SUGCT: variants seen among roughly 807,000 people sequenced by gnomAD.
SUGCT encodes the protein succinyl-CoA:glutarate-CoA transferase.
In SUGCT, 41 loss-of-function variants were observed where a neutral mutation model predicts 55.0. The ratio of observed to expected loss-of-function variants is 0.74; its 90% CI spans 0.58 to 0.97. The LOEUF (loss-of-function observed/expected upper bound fraction) is 0.97, where lower values mean the gene tolerates loss of function less well. SUGCT is among the 50% of genes least tolerant of loss of function. The probability of loss-of-function intolerance (pLI) is 0.00; values close to 1 mark genes in which losing one functional copy is unlikely to be tolerated. For missense variants in SUGCT, 568 were observed against 547.8 expected, an observed-to-expected ratio of 1.04 and a Z score of -0.37; for synonymous variants, 187 against 200.4, an observed-to-expected ratio of 0.93 and a Z score of 0.56.
At chr7:40,287,134 C>CT (rs1793403399) in intron 8 of SUGCT, among the ~76,000 whole-genome samples, 1 of 152,066 alleles carries the variant, frequency 6.6e-6, no homozygotes, top group Non-Finnish European at 1.5e-5. Flanking sequence ...TTTATATTCT[C>CT]TAAAGTTGAA....
At chr7:41,038,027 CG>C in the SUGCT span, among the ~76,000 whole-genome samples, 1 of 152,096 alleles carries the variant, frequency 6.6e-6, no homozygotes, top group African/African-American at 2.4e-5. Context: ...ACCCTGCAAG[CG>C]GGGGAAGAGT....
chr7:40,787,056 A>C (rs1790050596), intron 13 of SUGCT, among the ~76,000 whole-genome samples: 1 of 152,194 alleles, frequency 6.6e-6, no homozygotes, highest in Non-Finnish European at 1.5e-5. Flanking sequence ...GTCAGAATTG[A>C]ATTGTAAGTC....
intron 13 of SUGCT, among the ~76,000 whole-genome samples, chr7:40,817,948 T>G (rs1193354904): frequency 6.6e-6 from 1 of 152,210 alleles, no homozygotes; most frequent in Non-Finnish European, 1.5e-5. Flanking sequence ...TTTTGCTAGC[T>G]AAGAAATGTT....
chr7:40,848,583 T>C (rs1793698863), intron 13 of SUGCT, among the ~76,000 whole-genome samples: 1 of 151,800 alleles, frequency 6.6e-6, no homozygotes, highest in Non-Finnish European at 1.5e-5. Context: ...AGACAACCTA[T>C]AGATACTGGC....
Position 40,528,778 on chromosome 7 carries a change from C to T in SUGCT, c.1089+32392C>T, listed in dbSNP as rs561255851. 6.6e-5 allele frequency among the ~76,000 whole-genome samples: 10 copies of T among 152,230 alleles called. No homozygotes were observed. The South Asian group carries it at 2.1e-3, about 32-fold the overall frequency. ...AAGTTCCTACTTGTTCCTTGATTCCCCCAACTCGTTAAATCAATAGCATTC... is the reference window on the plus strand; with the variant it reads ...AAGTTCCTACTTGTTCCTTGATTCCTCCAACTCGTTAAATCAATAGCATTC... On this transcript the variant is annotated intron_variant, in intron 12 of 13. Transcript: ENST00000335693.
intron 11 of SUGCT, among the ~76,000 whole-genome samples, chr7:40,464,716 A>G (rs1176617511): frequency 6.6e-6 from 1 of 152,216 alleles, no homozygotes; most frequent in African/African-American, 2.4e-5. Context: ...ATGTGCCTGT[A>G]GTCCCAGCTA....
intron 13 of SUGCT, among the ~76,000 whole-genome samples, chr7:40,768,375 A>G (rs905124921): frequency 1.3e-5 from 2 of 152,034 alleles, no homozygotes; most frequent in African/African-American, 4.8e-5. Flanking sequence ...AGAGTCCTCA[A>G]TGGCACCATG....
chr7:40,916,119 G>A, the SUGCT span, among the ~76,000 whole-genome samples: 2 of 150,152 alleles, frequency 1.3e-5, no homozygotes, highest in Non-Finnish European at 3.0e-5. Flanking sequence ...ATACATATTA[G>A]CACTAGAATT....
At chr7:40,322,131 A>G (rs928453051) in intron 9 of SUGCT, among the ~76,000 whole-genome samples, 4 of 152,224 alleles carry the variant, frequency 2.6e-5, no homozygotes, top group African/African-American at 9.6e-5. Flanking sequence ...TATAGATGAA[A>G]TGTACCCAGT....
At chr7:40,359,594 A>C (rs17171696) in intron 9 of SUGCT, among the ~76,000 whole-genome samples, 3 of 152,114 alleles carry the variant, frequency 2.0e-5, no homozygotes, top group Admixed American at 6.5e-5. Flanking sequence ...CCATGATATA[A>C]GAGTAGAGAA....
At chr7:40,750,546 G>C (rs1039108319) in intron 13 of SUGCT, among the ~76,000 whole-genome samples, 1 of 152,080 alleles carries the variant, frequency 6.6e-6, no homozygotes, top group African/African-American at 2.4e-5. Flanking sequence ...ATTTATTGAA[G>C]GACTATTCTT....
chr7:40,578,501 G>A (rs1442926295), intron 12 of SUGCT, among the ~76,000 whole-genome samples: 1 of 151,974 alleles, frequency 6.6e-6, no homozygotes, highest in Non-Finnish European at 1.5e-5. Context: ...CTAATCACAA[G>A]CCTCACCCCT....
the SUGCT span, among the ~76,000 whole-genome samples, chr7:40,917,620 TAAC>T: frequency 2.6e-5 from 4 of 152,102 alleles, no homozygotes; most frequent in South Asian, 2.1e-4. Flanking sequence ...CAAGCTGCTA[TAAC>T]AACAACAACA....
At chr7:40,995,040 C>T in the SUGCT span, among the ~76,000 whole-genome samples, 1,481 of 152,226 alleles carry the variant, frequency 9.7e-3, 18 homozygotes, top group African/African-American at 0.032. Context: ...TCCTTTATAG[C>T]GACACAAATG....
intron 13 of SUGCT, among the ~76,000 whole-genome samples, chr7:40,838,569 A>G (rs1041187167): frequency 1.8e-4 from 27 of 152,320 alleles, no homozygotes; most frequent in Non-Finnish European, 3.1e-4. Flanking sequence ...ATTACTACAT[A>G]GAAATGTGAT....
At chr7:40,740,276 G>A (rs1373878489) in intron 12 of SUGCT, among the ~76,000 whole-genome samples, 1 of 152,108 alleles carries the variant, frequency 6.6e-6, no homozygotes, top group East Asian at 1.9e-4. Flanking sequence ...CCTTGAAGAA[G>A]TCATTTATTA....
At chr7:40,396,505 C>T (rs181376969) in intron 9 of SUGCT, among the ~76,000 whole-genome samples, 65 of 152,244 alleles carry the variant, frequency 4.3e-4, no homozygotes, top group African/African-American at 1.3e-3. Context: ...AAGTACTTAT[C>T]CTGTAAGAAA....
intron 12 of SUGCT, among the ~76,000 whole-genome samples, chr7:40,651,655 A>G (rs966054506): frequency 6.6e-6 from 1 of 152,030 alleles, no homozygotes; most frequent in Non-Finnish European, 1.5e-5. Context: ...TTAATCTTTT[A>G]TCTTTGATTG....
chr7:40,885,327 T>A, the SUGCT span, among the ~76,000 whole-genome samples: 1 of 152,168 alleles, frequency 6.6e-6, no homozygotes, highest in Non-Finnish European at 1.5e-5. Context: ...CTCAAAAGTA[T>A]ACTTTTCCCA....
Sources: allele counts gnomAD v4.1 joint callset (sites outside exome capture counted in the v4.1 genomes callset), GRCh38; gene constraint gnomAD v4.1.1; transcripts MANE v1.5; gene names NCBI Gene and HGNC (gene_info 2026-07-23, HGNC 2026-07-21).